The following H3C4 variants were observed in gnomAD, a reference collection of about 807,000 sequenced individuals.
H3C4 encodes H3 clustered histone 4, also known as histone H3.1.
Under a neutral mutation model 8.7 loss-of-function variants are expected in H3C4, and 10 were observed. The observed-to-expected ratio is 1.15, with a 90% CI of 0.71 to 1.96. The LOEUF (loss-of-function observed/expected upper bound fraction) is 1.96, where lower values mean the gene tolerates loss of function less well. Ranked by LOEUF, H3C4 falls within the 30% of genes most tolerant of loss-of-function variation. H3C4 has a pLI of 0.00. For missense variants in H3C4, 216 were observed against 192.9 expected (o/e 1.12, Z -0.71); for synonymous variants, 141 against 80.1 (o/e 1.76, Z -4.06).
upstream of H3C4, among the ~76,000 whole-genome samples, chr6:26,198,481 G>A (rs188281035): frequency 6.6e-5 from 10 of 152,148 alleles, no homozygotes; most frequent in African/African-American, 4.8e-5. Context: ...ACAGGCGCGC[G>A]CCACCACGCC....
chr6:26,199,228 T>G, upstream of H3C4: 3 of 1,603,134 alleles, frequency 1.9e-6, no homozygotes, highest in Non-Finnish European at 2.5e-6. Flanking sequence ...CCGCCTTGCT[T>G]GCCGCGTCCG....
upstream of H3C4, among the ~76,000 whole-genome samples, chr6:26,198,182 T>C (rs1367056154): frequency 1.3e-5 from 2 of 152,238 alleles, no homozygotes; most frequent in African/African-American, 4.8e-5. Context: ...TAACTATATT[T>C]TTATGTAAAT....
At chr6:26,198,426 G>T (rs1259560650), upstream of H3C4, among the ~76,000 whole-genome samples, 3 of 152,164 alleles carry the variant, frequency 2.0e-5, no homozygotes. Flanking sequence ...CCGCCTCCGG[G>T]GTTCAACATT....
At chr6:26,199,161 A>G, upstream of H3C4, 1 of 1,614,180 alleles carries the variant, frequency 6.2e-7, no homozygotes, top group Non-Finnish European at 8.5e-7. Context: ...TACGCGGCCC[A>G]CAGGGAACTG....
chr6:26,199,040 G>A (rs778021325), upstream of H3C4: 2 of 1,614,182 alleles, frequency 1.2e-6, no homozygotes, highest in Admixed American at 3.3e-5. Context: ...GGGCGGCGTT[G>A]CCCGCCAGCT....
chr6:26,197,281 A>T lies in H3C4; in HGVS notation c.-31T>A, dbSNP rs1293986050. 1 of 1,589,824 alleles carries T rather than the reference A, an allele frequency of 6.3e-7. No individual in the cohort carries two copies. Among genetic ancestry groups the T allele is most frequent in the Non-Finnish European group, 8.5e-7 (1 of 1,172,634 alleles). On this transcript the variant is annotated 5_prime_UTR_variant, in exon 1 of 1. Transcript: ENST00000356476. ...ACTTCTAAACCCTGCTAAATGACGA[A>T]AAAACGAAAGTCTAGCCTTTCGTAC...
chr6:26,198,764 G>T, upstream of H3C4: 1 of 1,313,586 alleles, frequency 7.6e-7, no homozygotes, highest in South Asian at 1.3e-5. Flanking sequence ...CAGAAAATGT[G>T]AGCCCTTTTA....
upstream of H3C4, chr6:26,198,968 C>T (rs781546723): frequency 3.1e-6 from 5 of 1,614,220 alleles, no homozygotes; most frequent in South Asian, 3.3e-5. Flanking sequence ...TGTTTAGCTC[C>T]TCGTCGTTGC....
Position 26,196,891 on chromosome 6 carries a change from GATAGT to G in H3C4, c.355_359del (p.Thr119HisfsTer25). 6.2e-7 allele frequency: 1 copy of G among 1,614,266 alleles called. No homozygotes were observed. On this transcript the variant is annotated frameshift_variant, in exon 1 of 1. Transcript: ENST00000356476. LOFTEE classifies it high-confidence loss of function. Reference sequence around the variant, plus strand: ...GAGCAAGCTGGATGTCCTTGGGCATGATAGTCACTCGCTTGGCGTGAATGGCGCAT... The same window carrying G: ...GAGCAAGCTGGATGTCCTTGGGCATGCACTCGCTTGGCGTGAATGGCGCAT...
chr6:26,199,199 A>G (rs748308650), upstream of H3C4: 2 of 1,613,080 alleles, frequency 1.2e-6, no homozygotes, highest in Non-Finnish European at 1.7e-6. Context: ...AGCGGGTCTT[A>G]GCCTTAGCTC....
chr6:26,196,868 G>A lies in H3C4; in HGVS notation c.383C>T (p.Ala128Val), dbSNP rs750273125. The A allele has an allele frequency of 6.2e-6, 10 of 1,614,222 alleles. No homozygotes were observed. Among genetic ancestry groups the A allele is most frequent in the Non-Finnish European group, 8.5e-6 (10 of 1,180,026 alleles). The change falls in exon 1 of 1, where the codon GCT becomes GTT. Residue 128 changes from alanine to valine, a missense_variant. Coordinates refer to ENST00000356476, the MANE Select transcript of H3C4 (RefSeq NM_001376937.1). ...VTIMPKDIQL[A>V]RRIRGERA is the part of the protein sequence containing the mutation. ...CGCCCTCTCCCCACGAATGCGGCGA[G>A]CAAGCTGGATGTCCTTGGGCATGAT... is the stretch of plus-strand genomic sequence containing the variant.
upstream of H3C4, chr6:26,199,070 G>T (rs758858541): frequency 8.7e-6 from 14 of 1,614,058 alleles, no homozygotes; most frequent in Admixed American, 2.2e-4. Context: ...CGGCGGTCAG[G>T]TACTCCAACA....
chr6:26,196,808 GGGTTTT>G lies in H3C4; in HGVS notation c.*26_*31del. On this transcript the variant is annotated 3_prime_UTR_variant, in exon 1 of 1. Coordinates refer to ENST00000356476, the MANE Select transcript of H3C4 (RefSeq NM_001376937.1). ...GTGGTTGGCTCTGAAAAGAGCCTTT[GGGTTTT>G]GGTTAGCACACATTCACAAGACAAT... 1 of 1,611,396 alleles carries G rather than the reference GGGTTTT, an allele frequency of 6.2e-7. No homozygotes were observed. Among genetic ancestry groups the G allele is most frequent in the Non-Finnish European group, 8.5e-7 (1 of 1,178,848 alleles).
chr6:26,198,846 T>C, upstream of H3C4: 2 of 1,611,110 alleles, frequency 1.2e-6, no homozygotes, highest in East Asian at 2.2e-5. Context: ...ATAAGAGTTC[T>C]CGTTTTACTT....
In H3C4 at chr6:26,197,264, A is replaced by G; in HGVS notation, c.-14T>C. The G allele has an allele frequency of 6.2e-7, 1 of 1,600,044 alleles. No individual in the cohort carries two copies. ...GGTACGAGCCATTGCGAACTTCTAA[A>G]CCCTGCTAAATGACGAAAAAACGAA... On this transcript the variant is annotated 5_prime_UTR_variant, in exon 1 of 1. Coordinates refer to ENST00000356476, the MANE Select transcript of H3C4 (RefSeq NM_001376937.1).
upstream of H3C4, chr6:26,197,398 A>ATC (rs1233985214): frequency 1.4e-6 from 1 of 710,384 alleles, no homozygotes; most frequent in East Asian, 2.7e-5. Flanking sequence ...CTGACAGAAC[A>ATC]TCTCCTGCAT....
Position 26,197,161 on chromosome 6 carries a change from A to G in H3C4, c.90T>C (p.Ala30=), listed in dbSNP as rs1764989848. ...GCTTCTTCACGCCGCCGGTGGCTGGAGCGCTCTTTCGAGCAGCCTTGGTGG... is the reference window on the plus strand; with the variant it reads ...GCTTCTTCACGCCGCCGGTGGCTGGGGCGCTCTTTCGAGCAGCCTTGGTGG... ...QLATKAARKS[A]PATGGVKKPH... Residue 30 remains alanine (A), a synonymous_variant, in exon 1 of 1, where the codon GCT becomes GCC. Transcript: ENST00000356476. The G allele has an allele frequency of 1.9e-6, 3 of 1,613,992 alleles. No individual in the cohort carries two copies. The highest frequency in any genetic ancestry group is 1.7e-5 in the Admixed American group (1 of 59,984).
chr6:26,198,803 C>G, upstream of H3C4: 1 of 1,580,330 alleles, frequency 6.3e-7, no homozygotes, highest in South Asian at 1.1e-5. Context: ...CTGAAAAGAG[C>G]CTTTGTTAAG....
rs1443250153 is a variant in H3C4, at chr6:26,196,815, G to T, written c.*25C>A. ...GCTCTGAAAAGAGCCTTTGGGTTTT[G>T]GTTAGCACACATTCACAAGACAATT... On this transcript the variant is annotated 3_prime_UTR_variant, in exon 1 of 1. Coordinates refer to ENST00000356476, the MANE Select transcript of H3C4 (RefSeq NM_001376937.1). 1 of 1,613,616 alleles carries T rather than the reference G, an allele frequency of 6.2e-7. No individual in the cohort carries two copies.
Sources: allele counts gnomAD v4.1 joint callset (sites outside exome capture counted in the v4.1 genomes callset), GRCh38; gene constraint gnomAD v4.1.1; transcripts MANE v1.5; gene names NCBI Gene and HGNC (gene_info 2026-07-23, HGNC 2026-07-21).